The following ZNF521 variants were observed in gnomAD, a reference collection of about 807,000 sequenced individuals.
The protein encoded by ZNF521 is zinc finger protein 521, also known as LYST-interacting protein 3.
In ZNF521, 14 loss-of-function variants were observed where a neutral mutation model predicts 105.5. That is an observed-to-expected ratio of 0.13 (90% CI 0.09 to 0.21). The LOEUF is 0.21. ZNF521 is among the 10% of genes least tolerant of loss of function. The probability of loss-of-function intolerance (pLI) is 1.00; values close to 1 mark genes in which losing one functional copy is unlikely to be tolerated. For missense variants in ZNF521, 1,233 were observed against 1,629.7 expected (o/e 0.76, Z 4.19); for synonymous variants, 635 against 606.0 (o/e 1.05, Z -0.70).
chr18:25,288,107 C>T (rs970370246), intron 3 of ZNF521, among the ~76,000 whole-genome samples: 2 of 152,132 alleles, frequency 1.3e-5, no homozygotes, highest in African/African-American at 4.8e-5. Context: ...GAAAAAACCT[C>T]TACTGGGCAA....
At chr18:25,211,787 A>G (rs1321526480) in intron 4 of ZNF521, among the ~76,000 whole-genome samples, 1 of 152,226 alleles carries the variant, frequency 6.6e-6, no homozygotes, top group African/African-American at 2.4e-5. Flanking sequence ...TTTACAAAAT[A>G]ATTCCCTTAT....
chr18:25,189,478 T>C (rs2035782022), intron 5 of ZNF521, among the ~76,000 whole-genome samples: 1 of 152,220 alleles, frequency 6.6e-6, no homozygotes, highest in African/African-American at 2.4e-5. Context: ...TTTTATCTGA[T>C]GTCCCCATAC....
chr18:25,076,226 C>A (rs556729261), intron 7 of ZNF521, among the ~76,000 whole-genome samples: 1 of 152,288 alleles, frequency 6.6e-6, no homozygotes, highest in Non-Finnish European at 1.5e-5. Context: ...GAGGAAATGG[C>A]CTTAGGGTAA....
chr18:25,097,557 G>A (rs1437597571), intron 5 of ZNF521, among the ~76,000 whole-genome samples: 1 of 152,072 alleles, frequency 6.6e-6, no homozygotes, highest in Admixed American at 6.6e-5. Context: ...GGAGTGTCTG[G>A]CACTGTCAGT....
chr18:25,252,857 T>C (rs553534558), intron 3 of ZNF521, among the ~76,000 whole-genome samples: 101 of 152,290 alleles, frequency 6.6e-4, no homozygotes, highest in African/African-American at 2.1e-3. Flanking sequence ...CTGTGCTTTC[T>C]ACTGGCTTAT....
intron 5 of ZNF521, among the ~76,000 whole-genome samples, chr18:25,106,337 T>C (rs1029432168): frequency 2.6e-5 from 4 of 152,068 alleles, no homozygotes; most frequent in African/African-American, 7.2e-5. Flanking sequence ...AGGAAAACCA[T>C]ATACTGTACA....
chr18:25,294,459 T>C (rs1911208574), intron 3 of ZNF521, among the ~76,000 whole-genome samples: 1 of 152,338 alleles, frequency 6.6e-6, no homozygotes, highest in South Asian at 2.1e-4. Context: ...TAGACACTAG[T>C]AGCAAACTCT....
intron 2 of ZNF521, among the ~76,000 whole-genome samples, chr18:25,338,169 G>T (rs755940830): frequency 1.2e-4 from 18 of 151,840 alleles, no homozygotes; most frequent in Non-Finnish European, 2.1e-4. Context: ...ATAATCGGCC[G>T]TCCAGAGTAC....
At chr18:25,349,955 G>C (rs1464864380) in intron 2 of ZNF521, among the ~76,000 whole-genome samples, 1 of 151,566 alleles carries the variant, frequency 6.6e-6, no homozygotes, top group South Asian at 2.1e-4. Flanking sequence ...TCTCCGCCTC[G>C]GAGCGCCGGA....
At chr18:25,109,075 G>A (rs2034132122) in intron 5 of ZNF521, among the ~76,000 whole-genome samples, 1 of 152,170 alleles carries the variant, frequency 6.6e-6, no homozygotes, top group Non-Finnish European at 1.5e-5. Flanking sequence ...AGTGAACACT[G>A]TACTCAATAG....
At chr18:25,327,678 A>C in intron 2 of ZNF521, 1 of 519,048 alleles carries the variant, frequency 1.9e-6, no homozygotes, top group Non-Finnish European at 3.8e-6. Context: ...CTAGATATGC[A>C]TTCTAACTTG....
chr18:25,226,026 G>C lies in ZNF521; in HGVS notation c.1892C>G (p.Thr631Ser). ...ACATTGATTACAGATATATTCTCCA[G>C]TGGGACGTGCAGGTGCACCTCCTAC... ...QAVGGAPARP[T>S]GEYICNQCGA... Residue 631 changes from threonine to serine, a missense_variant, in exon 4 of 8, where the codon ACT (threonine) becomes AGT (serine). Physicochemically the swap from Thr to Ser is moderately conservative, Grantham distance 58 (BLOSUM62 1). This residue lies in a region of ZNF521 where 614 missense variants were observed against 751.5 expected (regional missense o/e 0.82). Transcript: ENST00000361524. The surrounding 1 kb of genome is among the most constrained non-coding windows in gnomAD (Gnocchi z 4.1). 6.2e-7 allele frequency: 1 copy of C among 1,614,224 alleles called. No individual in the cohort carries two copies. Among genetic ancestry groups the C allele is most frequent in the South Asian group, 1.1e-5 (1 of 91,086 alleles).
intron 3 of ZNF521, among the ~76,000 whole-genome samples, chr18:25,303,589 C>A (rs1018947489): frequency 2.6e-5 from 4 of 152,130 alleles, no homozygotes; most frequent in African/African-American, 9.7e-5. Context: ...AGCCACCACG[C>A]CTGGCCTGAA....
intron 2 of ZNF521, among the ~76,000 whole-genome samples, chr18:25,341,091 A>T (rs1206776465): frequency 6.6e-6 from 1 of 152,140 alleles, no homozygotes; most frequent in Non-Finnish European, 1.5e-5. Context: ...ACATCTTTGA[A>T]CACGAAGACC....
chr18:25,289,629 C>T (rs1168792374), intron 3 of ZNF521, among the ~76,000 whole-genome samples: 1 of 152,178 alleles, frequency 6.6e-6, no homozygotes, highest in Non-Finnish European at 1.5e-5. Context: ...TGTGCTTCCT[C>T]CATCTTTCCC....
chr18:25,168,489 C>T (rs557464875), intron 5 of ZNF521, among the ~76,000 whole-genome samples: 5 of 152,234 alleles, frequency 3.3e-5, no homozygotes, highest in African/African-American at 1.2e-4. Context: ...AGTGTGCACC[C>T]GGTCCCAAAC....
rs562757769 is a variant in ZNF521 at position 25,206,006 on chromosome 18, G to GT, written c.3574-10763dup. Among the ~76,000 whole-genome samples, 266 of 150,746 alleles carry GT rather than the reference G, an allele frequency of 1.8e-3. 1 individual carries two copies. Among genetic ancestry groups the GT allele is most frequent in the Non-Finnish European group, 3.1e-3 (210 of 67,748 alleles). On this transcript the variant is annotated intron_variant, in intron 4 of 7. Coordinates refer to ENST00000361524, the MANE Select transcript of ZNF521 (RefSeq NM_015461.3). ...TTATTCATTTTTTTTTAATTTGTTT[G>GT]TTTTTTTGTTTTTTTGAGACAGAGT...
intron 5 of ZNF521, among the ~76,000 whole-genome samples, chr18:25,153,934 G>C (rs2035096097): frequency 6.6e-6 from 1 of 152,130 alleles, no homozygotes; most frequent in Admixed American, 6.5e-5. Context: ...AGTATTTCCA[G>C]TTCTAATGTC....
intron 2 of ZNF521, among the ~76,000 whole-genome samples, chr18:25,328,463 A>T (rs1295137868): frequency 2.6e-5 from 4 of 151,254 alleles, no homozygotes; most frequent in Non-Finnish European, 5.9e-5. Context: ...TCACTTTCAC[A>T]CTTTGCAACA....
Sources: allele counts gnomAD v4.1 joint callset (sites outside exome capture counted in the v4.1 genomes callset), GRCh38; gene constraint gnomAD v4.1.1; regional missense constraint gnomAD v4.1.1; non-coding constraint Gnocchi (gnomAD v3.1); transcripts MANE v1.5; gene names NCBI Gene and HGNC (gene_info 2026-07-23, HGNC 2026-07-21).